COL9A1: variants seen among roughly 807,000 people sequenced by gnomAD.
COL9A1 encodes collagen alpha-1(IX) chain.
COL9A1 carries 104 observed loss-of-function variants against 142.6 expected under a neutral mutation model. The ratio of observed to expected loss-of-function variants is 0.73; its 90% CI spans 0.62 to 0.86. The LOEUF is 0.86. COL9A1 is among the 40% of genes least tolerant of loss of function. COL9A1 has a pLI of 0.00. For missense variants in COL9A1, 1,210 were observed against 1,176.6 expected, an observed-to-expected ratio of 1.03 and a Z score of -0.42; for synonymous variants, 466 against 396.0, an observed-to-expected ratio of 1.18 and a Z score of -2.10.
In COL9A1 at chr6:70,302,993, C is replaced by T; in HGVS notation, c.-69G>A. On this transcript the variant is annotated 5_prime_UTR_variant, in exon 1 of 38. Transcript: ENST00000357250. Reference sequence around the variant, plus strand: ...AAGGGGTTGGAAGGGAGTCACTGTCCCCTCACGACCCCTTCACTGTTACCC... The same window carrying T: ...AAGGGGTTGGAAGGGAGTCACTGTCTCCTCACGACCCCTTCACTGTTACCC... 2 of 1,474,030 alleles carry T rather than the reference C, an allele frequency of 1.4e-6. No individual in the cohort carries two copies. The highest frequency in any genetic ancestry group is 1.1e-5 in the South Asian group (1 of 88,158). 91.3% of individuals were successfully genotyped at this position (1,474,030 alleles called of 1,614,324 possible).
chr6:70,265,808 G>C (rs950821085), intron 18 of COL9A1, among the ~76,000 whole-genome samples: 3 of 152,004 alleles, frequency 2.0e-5, no homozygotes, highest in Non-Finnish European at 4.4e-5. Flanking sequence ...TATCCTGATT[G>C]CTTGAGGCTA....
intron 33 of COL9A1, 98 bp downstream of exon 33, chr6:70,239,156 A>T: frequency 1.2e-6 from 1 of 853,228 alleles, no homozygotes; most frequent in Non-Finnish European, 1.9e-6. Flanking sequence ...AAAAGAATTG[A>T]ATGTTACATA....
chr6:70,259,852 T>A (rs977062935), intron 20 of COL9A1, among the ~76,000 whole-genome samples: 4 of 152,200 alleles, frequency 2.6e-5, no homozygotes, highest in Non-Finnish European at 5.9e-5. Context: ...GGGAATCTGG[T>A]TTCTGAGACT....
chr6:70,239,975 T>C (rs3806074), intron 32 of COL9A1, among the ~76,000 whole-genome samples: 2,177 of 152,328 alleles, frequency 0.014, 79 homozygotes, highest in East Asian at 0.13. Flanking sequence ...CCTGAAAATA[T>C]GAATAAAACA....
At chr6:70,240,793 C>A (rs947749358) in intron 31 of COL9A1, 60 bp from the exon 32 acceptor site, 1 of 1,299,286 alleles carries the variant, frequency 7.7e-7, no homozygotes, top group African/African-American at 1.5e-5. Flanking sequence ...CCAATTTTAA[C>A]CAGTAAACAT....
intron 10 of COL9A1, among the ~76,000 whole-genome samples, chr6:70,277,272 G>A (rs1044440103): frequency 2.0e-5 from 3 of 151,624 alleles, no homozygotes; most frequent in Non-Finnish European, 2.9e-5. Flanking sequence ...TAATATAATT[G>A]CTGAGAACAG....
chr6:70,270,514 C>T, intron 14 of COL9A1, 147 bp from the exon 15 acceptor site: 2 of 551,530 alleles, frequency 3.6e-6, no homozygotes, highest in South Asian at 3.2e-5. Flanking sequence ...CGATGGGTGG[C>T]CCGTAATCCA....
intron 33 of COL9A1, among the ~76,000 whole-genome samples, chr6:70,237,960 C>T (rs1770018169): frequency 6.6e-6 from 1 of 152,016 alleles, no homozygotes; most frequent in African/African-American, 2.4e-5. Flanking sequence ...AAGAGGAGAC[C>T]AGAACAAGGT....
chr6:70,250,738 T>C (rs79882521), intron 28 of COL9A1, among the ~76,000 whole-genome samples: 7,211 of 152,304 alleles, frequency 0.047, 355 homozygotes, highest in East Asian at 0.14. Flanking sequence ...TTTTGGCTAT[T>C]CCGCAGCCTT....
intron 19 of COL9A1, among the ~76,000 whole-genome samples, chr6:70,262,224 G>A (rs1196764590): frequency 6.6e-6 from 1 of 151,552 alleles, no homozygotes; most frequent in East Asian, 1.9e-4. Flanking sequence ...CTGCGAAAGA[G>A]TCCAGCTCCT....
intron 28 of COL9A1, among the ~76,000 whole-genome samples, chr6:70,248,802 G>A (rs577394981): frequency 1.2e-3 from 185 of 152,256 alleles, no homozygotes; most frequent in African/African-American, 4.2e-3. Context: ...GAAACACAGC[G>A]GTGAAAACGA....
rs562623698 is a variant in COL9A1, at chr6:70,223,360, A to G, written c.2581+2572T>C. Among the ~76,000 whole-genome samples the G allele has an allele frequency of 4.6e-5, 7 of 152,342 alleles. No individual in the cohort carries two copies. In the South Asian group the frequency reaches 1.4e-3, roughly 32 times the overall value. ...TTTCTTTATTTCTCAGAATTACCCT[A>G]TCAGAGAGATGTTCTTGTTATCACT... On this transcript the variant is annotated intron_variant, in intron 37 of 37. Transcript: ENST00000357250.
At chr6:70,278,856 T>C (rs1772931358) in intron 10 of COL9A1, among the ~76,000 whole-genome samples, 1 of 152,218 alleles carries the variant, frequency 6.6e-6, no homozygotes, top group Non-Finnish European at 1.5e-5. Flanking sequence ...AATTACTTTA[T>C]AAGCAAAACC....
At chr6:70,234,654 G>A (rs953318849) in intron 34 of COL9A1, 61 bp from the exon 35 acceptor site, 2 of 1,608,394 alleles carry the variant, frequency 1.2e-6, no homozygotes, top group Admixed American at 3.3e-5. Flanking sequence ...ACATTGTTAA[G>A]TTGTAAACTG....
At chr6:70,225,692 T>C (rs1256279057) in intron 37 of COL9A1, among the ~76,000 whole-genome samples, 1 of 152,192 alleles carries the variant, frequency 6.6e-6, no homozygotes, top group Non-Finnish European at 1.5e-5. Flanking sequence ...ACACTATTTT[T>C]CTTGAAGCAT....
At chr6:70,262,168 A>C (rs1401137580) in intron 19 of COL9A1, among the ~76,000 whole-genome samples, 1 of 151,974 alleles carries the variant, frequency 6.6e-6, no homozygotes, top group South Asian at 2.1e-4. Flanking sequence ...ATCAGATCAA[A>C]AAAAAAAAGC....
intron 29 of COL9A1, 90 bp from the exon 30 acceptor site, chr6:70,242,125 T>C (rs1770296683): frequency 8.9e-7 from 1 of 1,122,206 alleles, no homozygotes; most frequent in Non-Finnish European, 1.3e-6. Context: ...TGTTGACTTG[T>C]GTCTAAAATA....
chr6:70,232,570 C>T lies in COL9A1; in HGVS notation c.2503+13G>A. On this transcript the variant is annotated intron_variant, in intron 36 of 37. Coordinates refer to ENST00000357250, the MANE Select transcript of COL9A1 (RefSeq NM_001851.6). The stretch of plus-strand genomic sequence containing the variant: ...GTTGTGTTCTTTGGTTCCACATGGG[C>T]AAGATGACTTACCTTTAGGTCCCCT... 3 of 1,613,252 alleles carry T rather than the reference C, an allele frequency of 1.9e-6. No homozygotes were observed. The highest frequency in any genetic ancestry group is 1.7e-6 in the Non-Finnish European group (2 of 1,179,928).
At chr6:70,227,740 A>G (rs1769325123) in intron 36 of COL9A1, among the ~76,000 whole-genome samples, 1 of 152,128 alleles carries the variant, frequency 6.6e-6, no homozygotes, top group South Asian at 2.1e-4. Flanking sequence ...GTTGGAAACA[A>G]TCTATGTCCA....
Sources: gnomAD v4.1 joint callset for allele counts (sites outside exome capture counted in the v4.1 genomes callset) on GRCh38, gnomAD v4.1.1 for gene constraint, MANE v1.5 for transcripts, NCBI Gene and HGNC (gene_info 2026-07-23, HGNC 2026-07-21) for gene names.